The following DPYS variants were observed in gnomAD, a reference collection of about 807,000 sequenced individuals.
DPYS encodes the protein dihydropyrimidinase.
In DPYS, 39 loss-of-function variants were observed where a neutral mutation model predicts 50.3. The observed-to-expected ratio is 0.78, with a 90% CI of 0.60 to 1.01. The LOEUF is 1.01. Among genes scored for constraint, DPYS ranks in the 50% least tolerant of loss-of-function variants. DPYS has a pLI of 0.00. For missense variants in DPYS, 659 were observed against 680.9 expected (o/e 0.97, Z 0.36); for synonymous variants, 245 against 250.7 (o/e 0.98, Z 0.22).
chr8:104,441,404 T>C (rs1251197643), intron 4 of DPYS, among the ~76,000 whole-genome samples: 4 of 152,160 alleles, frequency 2.6e-5, no homozygotes, highest in Admixed American at 2.0e-4. Context: ...CCCCATAGCC[T>C]GTGAATATGT....
At chr8:104,421,835 C>A (rs1011842034) in intron 7 of DPYS, among the ~76,000 whole-genome samples, 1 of 152,012 alleles carries the variant, frequency 6.6e-6, no homozygotes, top group African/African-American at 2.4e-5. Context: ...TATTCTGAAA[C>A]AACTGAATAG....
At chr8:104,440,929 A>G (rs1813332546) in intron 4 of DPYS, among the ~76,000 whole-genome samples, 2 of 152,224 alleles carry the variant, frequency 1.3e-5, no homozygotes. Context: ...TACAGACAGC[A>G]TCTTCTGTAA....
chr8:104,443,325 TACTA>T (rs1813415780), intron 4 of DPYS, among the ~76,000 whole-genome samples: 1 of 2,542 alleles, frequency 3.9e-4, no homozygotes, highest in Non-Finnish European at 7.1e-3. Context: ...AGTATTTACA[TACTA>T]GGCTGAACAT....
chr8:104,420,665 A>G (rs1812510254), intron 7 of DPYS: 1 of 151,388 alleles, frequency 6.6e-6, no homozygotes, highest in African/African-American at 2.4e-5. Context: ...AGGCTCAATC[A>G]ATTCAATATA....
intron 7 of DPYS, chr8:104,423,968 G>C (rs1025125682): frequency 2.0e-6 from 2 of 984,376 alleles, no homozygotes; most frequent in Non-Finnish European, 2.4e-6. Context: ...ATGTGAACTC[G>C]GGCATTTGCC....
chr8:104,451,188 C>G lies in DPYS; in HGVS notation c.423+58G>C, dbSNP rs1055225602. The G allele has an allele frequency of 1.9e-6, 3 of 1,610,158 alleles. No homozygotes were observed. The South Asian group carries it at 3.3e-5, about 18-fold the overall frequency. On this transcript the variant is annotated intron_variant, in intron 2 of 9. Transcript: ENST00000351513. ...CAATCAATGTCACCAGTTTCTTGCT[C>G]TTGTGCAGAGTGAGGACAAGAGGAC...
chr8:104,399,307 AAAACAAC>A (rs1564083791), intron 7 of DPYS, among the ~76,000 whole-genome samples: 4 of 37,310 alleles, frequency 1.1e-4, no homozygotes, highest in African/African-American at 2.6e-4. Flanking sequence ...AAAAAAAAAA[AAAACAAC>A]AACAAAAAAA....
chr8:104,436,940 G>C (rs1231972434), intron 4 of DPYS, among the ~76,000 whole-genome samples: 2 of 151,966 alleles, frequency 1.3e-5, no homozygotes, highest in African/African-American at 4.8e-5. Flanking sequence ...TGGAAAAAAA[G>C]AGCGCTTAGA....
At chr8:104,439,080 A>C (rs1588445454) in intron 4 of DPYS, among the ~76,000 whole-genome samples, 1 of 151,968 alleles carries the variant, frequency 6.6e-6, no homozygotes, top group Non-Finnish European at 1.5e-5. Context: ...AAAAAAAAGG[A>C]ATACCTAAAA....
intron 1 of DPYS, among the ~76,000 whole-genome samples, chr8:104,464,390 C>T (rs1361211085): frequency 1.3e-5 from 2 of 152,224 alleles, no homozygotes; most frequent in Non-Finnish European, 2.9e-5. Context: ...GCCCCTCCCC[C>T]ACAGCATTCC....
At chr8:104,439,275 C>A (rs1250225926) in intron 4 of DPYS, among the ~76,000 whole-genome samples, 1 of 151,762 alleles carries the variant, frequency 6.6e-6, no homozygotes, top group Non-Finnish European at 1.5e-5. Context: ...GAGGTCACCA[C>A]CAAAAACTAA....
intron 7 of DPYS, among the ~76,000 whole-genome samples, chr8:104,401,477 A>G (rs1375165834): frequency 2.0e-5 from 3 of 152,104 alleles, no homozygotes; most frequent in Non-Finnish European, 1.5e-5. Flanking sequence ...GCTCTTAACC[A>G]CTAGACAATA....
chr8:104,429,766 A>G, intron 4 of DPYS, 65 bp from the exon 5 acceptor site: 1 of 1,592,382 alleles, frequency 6.3e-7, no homozygotes. Flanking sequence ...TATGACAAAC[A>G]CATAAATATT....
chr8:104,431,429 C>T (rs577417108), intron 4 of DPYS, among the ~76,000 whole-genome samples: 2 of 151,012 alleles, frequency 1.3e-5, no homozygotes, highest in South Asian at 4.2e-4. Flanking sequence ...TCAACTTTCT[C>T]CCCATCTAGT....
intron 7 of DPYS, among the ~76,000 whole-genome samples, chr8:104,417,431 G>A (rs1004138582): frequency 2.0e-4 from 30 of 152,164 alleles, no homozygotes; most frequent in African/African-American, 7.2e-4. Context: ...TGGCCAATTT[G>A]GCTGATCTCT....
chr8:104,423,918 T>G (rs1471489151), intron 7 of DPYS: 3 of 906,174 alleles, frequency 3.3e-6, no homozygotes, highest in African/African-American at 1.8e-5. Flanking sequence ...CTTTTCAAAC[T>G]AAGCCTTTTA....
At chr8:104,411,277 A>G (rs1812165962) in intron 7 of DPYS, among the ~76,000 whole-genome samples, 2 of 152,212 alleles carry the variant, frequency 1.3e-5, no homozygotes, top group South Asian at 4.1e-4. Context: ...ACTGATTAAC[A>G]TTGTCCTCAT....
chr8:104,419,919 A>C (rs1020734169), intron 7 of DPYS: 3 of 152,260 alleles, frequency 2.0e-5, no homozygotes, highest in African/African-American at 7.2e-5. Flanking sequence ...AATTGTGACA[A>C]GTGTACCATA....
At chr8:104,441,157 C>T (rs568588682) in intron 4 of DPYS, among the ~76,000 whole-genome samples, 1 of 152,204 alleles carries the variant, frequency 6.6e-6, no homozygotes, top group Non-Finnish European at 1.5e-5. Context: ...TTGACAACTG[C>T]GCATGAGGGT....
Sources: allele counts gnomAD v4.1 joint callset (sites outside exome capture counted in the v4.1 genomes callset), GRCh38; gene constraint gnomAD v4.1.1; transcripts MANE v1.5; gene names NCBI Gene and HGNC (gene_info 2026-07-23, HGNC 2026-07-21).